CACNA2D3: variants seen among roughly 807,000 people sequenced by gnomAD.
CACNA2D3 encodes the protein calcium voltage-gated channel auxiliary subunit alpha2delta 3.
In CACNA2D3, 60 loss-of-function variants were observed where a neutral mutation model predicts 160.6. That is an observed-to-expected ratio of 0.37 (90% confidence interval 0.30 to 0.46). The LOEUF is 0.46. CACNA2D3 is among the 20% of genes least tolerant of loss of function. The probability of loss-of-function intolerance (pLI) is 1.00; values close to 1 mark genes in which losing one functional copy is unlikely to be tolerated. For missense variants in CACNA2D3, 1,205 were observed against 1,365.0 expected (o/e 0.88, Z 1.85); for synonymous variants, 558 against 492.9 (o/e 1.13, Z -1.75).
intron 11 of CACNA2D3, among the ~76,000 whole-genome samples, chr3:54,656,811 C>T (rs192736313): frequency 3.0e-4 from 46 of 152,306 alleles, no homozygotes; most frequent in Admixed American, 4.6e-4. Flanking sequence ...TTCCCCCTTC[C>T]CCAGTTAGAA....
At chr3:54,455,318 T>C (rs1487431133) in intron 4 of CACNA2D3, among the ~76,000 whole-genome samples, 1 of 152,180 alleles carries the variant, frequency 6.6e-6, no homozygotes, top group Non-Finnish European at 1.5e-5. Context: ...GGTTTTGATT[T>C]GTATTTTCCT....
intron 9 of CACNA2D3, among the ~76,000 whole-genome samples, chr3:54,614,594 C>A (rs1411440721): frequency 6.6e-6 from 1 of 152,156 alleles, no homozygotes; most frequent in African/African-American, 2.4e-5. Context: ...TTCCTCCTTC[C>A]TTCTCATTCC....
chr3:54,166,011 A>G (rs760520014), intron 2 of CACNA2D3, among the ~76,000 whole-genome samples: 20 of 152,142 alleles, frequency 1.3e-4, no homozygotes, highest in Non-Finnish European at 2.9e-4. Flanking sequence ...TAGGCATGCC[A>G]ATAAGAGAGG....
intron 5 of CACNA2D3, among the ~76,000 whole-genome samples, chr3:54,556,025 A>G (rs190824417): frequency 6.6e-6 from 1 of 152,216 alleles, no homozygotes; most frequent in Non-Finnish European, 1.5e-5. Context: ...AACATCCTTC[A>G]CTAGGTAGAA....
chr3:54,786,441 T>C (rs141271754), intron 13 of CACNA2D3, among the ~76,000 whole-genome samples: 3,724 of 152,264 alleles, frequency 0.024, 68 homozygotes, highest in African/African-American at 0.05. Flanking sequence ...GTACTGCCTC[T>C]TCTGGAGTCC....
intron 11 of CACNA2D3, among the ~76,000 whole-genome samples, chr3:54,681,797 A>T (rs548070970): frequency 6.6e-6 from 1 of 152,064 alleles, no homozygotes; most frequent in East Asian, 1.9e-4. Flanking sequence ...TCATGCCTCC[A>T]CTTCCCAAGG....
Position 54,343,627 on chromosome 3 carries a change from T to A in CACNA2D3, c.321+23069T>A, listed in dbSNP as rs535395166. Among the ~76,000 whole-genome samples, 3 of 152,200 alleles carry A rather than the reference T, an allele frequency of 2.0e-5. No individual in the cohort carries two copies. In the South Asian group the frequency reaches 6.2e-4, roughly 32 times the overall value. On this transcript the variant is annotated intron_variant, in intron 3 of 37. Transcript: ENST00000474759. ...TCTTATTATGTTGCACAGCCTGGTC[T>A]TGAACTTCTGGGCTCAAGAGAGCCT...
intron 13 of CACNA2D3, among the ~76,000 whole-genome samples, chr3:54,800,152 T>C (rs1019701472): frequency 6.6e-6 from 1 of 152,198 alleles, no homozygotes; most frequent in East Asian, 1.9e-4. Context: ...GCATCCTGTT[T>C]GGATATTTCC....
intron 2 of CACNA2D3, among the ~76,000 whole-genome samples, chr3:54,140,688 T>C (rs1699907888): frequency 6.6e-6 from 1 of 152,190 alleles, no homozygotes; most frequent in East Asian, 1.9e-4. Flanking sequence ...TCACGTCACC[T>C]CTCTGGGTTG....
At chr3:54,804,071 G>T in intron 13 of CACNA2D3, among the ~76,000 whole-genome samples, 2 of 149,032 alleles carry the variant, frequency 1.3e-5, no homozygotes, top group South Asian at 2.2e-4. Flanking sequence ...AACATGGAAA[G>T]GAACAACTGG....
chr3:54,875,779 A>G (rs1042305515), intron 18 of CACNA2D3: 2 of 152,220 alleles, frequency 1.3e-5, no homozygotes, highest in African/African-American at 2.4e-5. Context: ...TGCAGGGCCC[A>G]GGGGAAAGGG....
At chr3:54,137,158 AG>A (rs1230109282) in intron 2 of CACNA2D3, among the ~76,000 whole-genome samples, 1 of 152,192 alleles carries the variant, frequency 6.6e-6, no homozygotes, top group East Asian at 1.9e-4. Flanking sequence ...GGGCTGGCAC[AG>A]GGTATAGCCT....
rs553698185 is a variant in CACNA2D3 at position 54,746,532 on chromosome 3, A to G, written c.1168-6067A>G. 4.6e-5 allele frequency among the ~76,000 whole-genome samples: 7 copies of G among 152,310 alleles called. No individual in the cohort carries two copies. The East Asian group carries it at 1.3e-3, about 29-fold the overall frequency. On this transcript the variant is annotated intron_variant, in intron 11 of 37. Coordinates refer to ENST00000474759, the MANE Select transcript of CACNA2D3 (RefSeq NM_018398.3). ...GGAAGATGTCAGGAAGGCATGCCTA[A>G]TACGGAGGCTGCCACTTAGCTAAAT...
intron 23 of CACNA2D3, among the ~76,000 whole-genome samples, chr3:54,886,609 T>C (rs4263264): frequency 2.6e-5 from 4 of 152,192 alleles, no homozygotes; most frequent in Admixed American, 1.3e-4. Context: ...CCTTCTGTAT[T>C]TGTTCATTAT....
chr3:54,940,473 A>G (rs2106982366), intron 27 of CACNA2D3, among the ~76,000 whole-genome samples: 1 of 152,316 alleles, frequency 6.6e-6, no homozygotes, highest in East Asian at 1.9e-4. Context: ...CATTTCAGAC[A>G]CAGACAGCTC....
intron 32 of CACNA2D3, 140 bp from the exon 33 acceptor site, chr3:55,007,649 AC>A: frequency 1.7e-6 from 1 of 595,612 alleles, no homozygotes; most frequent in Non-Finnish European, 2.9e-6. Context: ...AATTTTCTTC[AC>A]TTAGCTAGAA....
chr3:54,645,038 T>G (rs1177693577), intron 11 of CACNA2D3, among the ~76,000 whole-genome samples: 1 of 152,240 alleles, frequency 6.6e-6, no homozygotes, highest in African/African-American at 2.4e-5. Context: ...ATTAGTCCAT[T>G]TTCACACTGC....
chr3:54,123,217 G>A (rs1456938356), intron 1 of CACNA2D3, among the ~76,000 whole-genome samples: 2 of 152,022 alleles, frequency 1.3e-5, no homozygotes, highest in South Asian at 4.1e-4. Flanking sequence ...TGCCCAGTTT[G>A]GGGGGTCGAG....
intron 5 of CACNA2D3, among the ~76,000 whole-genome samples, chr3:54,522,849 T>C (rs533139299): frequency 1.4e-4 from 22 of 152,282 alleles, no homozygotes; most frequent in African/African-American, 5.1e-4. Flanking sequence ...AACACTGTTG[T>C]ATTGGGTACT....
Sources: allele counts gnomAD v4.1 joint callset (sites outside exome capture counted in the v4.1 genomes callset), GRCh38; gene constraint gnomAD v4.1.1; transcripts MANE v1.5; gene names NCBI Gene and HGNC (gene_info 2026-07-23, HGNC 2026-07-21).